BBS4: variants seen among roughly 807,000 people sequenced by gnomAD.
BBS4 encodes the protein Bardet-Biedl syndrome 4, also known as BBSome complex member BBS4.
BBS4 carries 58 observed loss-of-function variants against 71.4 expected under a neutral mutation model. The ratio of observed to expected loss-of-function variants is 0.81; its 90% CI spans 0.66 to 1.01. BBS4 has a LOEUF of 1.01. Among genes scored for constraint, BBS4 ranks in the 50% least tolerant of loss-of-function variants. The pLI, the probability that BBS4 is intolerant of heterozygous loss-of-function variation, is 0.00. For synonymous variants in BBS4, 228 were observed against 216.8 expected (o/e 1.05, Z -0.46); for missense variants, 660 against 607.9 (o/e 1.09, Z -0.90).
At chr15:72,687,182 G>T (rs1595898330) in intron 1 of BBS4, among the ~76,000 whole-genome samples, 2 of 145,754 alleles carry the variant, frequency 1.4e-5, no homozygotes, top group East Asian at 4.1e-4. Context: ...GCAATGGCGC[G>T]ATCTCGGCTC....
chr15:72,738,433 T>A lies in BBS4; in HGVS notation c.*846T>A, dbSNP rs895399306. The A allele has an allele frequency of 1.3e-5, 5 of 382,346 alleles. No individual in the cohort carries two copies. The highest frequency in any genetic ancestry group is 1.1e-4 in the African/African-American group (5 of 47,324). 23.7% of individuals were successfully genotyped at this position (382,346 alleles called of 1,614,324 possible). A position where few individuals can be genotyped will look rare whatever the true frequency, so the allele number is the denominator to read the frequency against. The stretch of plus-strand genomic sequence containing the variant: ...CCTTTGGGGAAAATTGTTATTCAGG[T>A]ATAAAAACAAGAGATCATAATAAAA... On this transcript the variant is annotated 3_prime_UTR_variant, in exon 16 of 16. Transcript: ENST00000268057.
At chr15:72,686,643 T>G (rs937346645) in intron 1 of BBS4, 1 of 1,096,546 alleles carries the variant, frequency 9.1e-7, no homozygotes, top group African/African-American at 1.6e-5. Flanking sequence ...GCTTGCAGCG[T>G]CACTGCCTTC....
chr15:72,695,507 G>A (rs191167844), intron 2 of BBS4, among the ~76,000 whole-genome samples: 1 of 152,224 alleles, frequency 6.6e-6, no homozygotes, highest in South Asian at 2.1e-4. Context: ...GGCTGGTCTC[G>A]AACTCCTGAC....
rs1166312927 is a variant in BBS4, at chr15:72,702,542, TTTTATATGAC to T, written c.77-7154_77-7145del. Among the ~76,000 whole-genome samples the T allele has an allele frequency of 6.7e-5, 10 of 148,512 alleles. No homozygotes were observed. In the South Asian group the frequency reaches 1.5e-3, roughly 23 times the overall value. On this transcript the variant is annotated intron_variant, in intron 2 of 15. Coordinates refer to ENST00000268057, the MANE Select transcript of BBS4 (RefSeq NM_033028.5). ...AAAGTAAAACCATAATTAGCTAATC[TTTTATATGAC>T]TTTTTTCTTCCTCATTTCAAGCTAA...
chr15:72,714,608 A>C (rs2065436265), intron 4 of BBS4, among the ~76,000 whole-genome samples: 1 of 152,148 alleles, frequency 6.6e-6, no homozygotes, highest in Non-Finnish European at 1.5e-5. Flanking sequence ...CTTGGGTGTA[A>C]ATAAATGGTT....
At chr15:72,697,200 T>C (rs1486933803) in intron 2 of BBS4, among the ~76,000 whole-genome samples, 1 of 152,230 alleles carries the variant, frequency 6.6e-6, no homozygotes, top group East Asian at 1.9e-4. Flanking sequence ...CCCAAAGTAC[T>C]GGGATTACAG....
At chr15:72,734,314 G>A (rs1435296927) in intron 12 of BBS4, among the ~76,000 whole-genome samples, 2 of 152,212 alleles carry the variant, frequency 1.3e-5, no homozygotes, top group East Asian at 1.9e-4. Context: ...AGTAGAGATG[G>A]CATTCAAACT....
At chr15:72,732,985 G>A (rs796343985) in intron 12 of BBS4, among the ~76,000 whole-genome samples, 6 of 152,292 alleles carry the variant, frequency 3.9e-5, no homozygotes, top group African/African-American at 1.4e-4. Context: ...CTAGGACTAG[G>A]GAATATTGGC....
chr15:72,735,764 G>A, intron 13 of BBS4, 61 bp from the exon 14 acceptor site: 2 of 1,604,586 alleles, frequency 1.2e-6, no homozygotes, highest in Admixed American at 1.7e-5. Context: ...TAATGAGAAG[G>A]ATCTCTAAAT....
At chr15:72,736,523 G>C (rs558055326) in intron 14 of BBS4, among the ~76,000 whole-genome samples, 1 of 152,282 alleles carries the variant, frequency 6.6e-6, no homozygotes, top group Non-Finnish European at 1.5e-5. Context: ...GAAATGCACT[G>C]TTTGGCCCGG....
intron 1 of BBS4, among the ~76,000 whole-genome samples, chr15:72,692,262 G>T (rs1213437949): frequency 6.7e-6 from 1 of 150,228 alleles, no homozygotes; most frequent in Non-Finnish European, 1.5e-5. Context: ...ACCAGTCATG[G>T]TGGATATGAA....
chr15:72,737,331 T>C, intron 15 of BBS4, 147 bp from the exon 16 acceptor site: 1 of 694,946 alleles, frequency 1.4e-6, no homozygotes, highest in South Asian at 1.8e-5. Flanking sequence ...GCTTTATTTC[T>C]CAGTTATAGT....
Position 72,689,260 on chromosome 15 carries a change from G to A in BBS4, c.24+3009G>A, listed in dbSNP as rs78919856. Reference sequence around the variant, plus strand: ...AATGTATAGCTAAAAATCTAAGAAGGCTACAGTCAAGGCCTTGAGGCCAGA... The same window carrying A: ...AATGTATAGCTAAAAATCTAAGAAGACTACAGTCAAGGCCTTGAGGCCAGA... On this transcript the variant is annotated intron_variant, in intron 1 of 15. Transcript: ENST00000268057. Among the ~76,000 whole-genome samples the A allele has an allele frequency of 2.5e-3, 377 of 152,260 alleles. 1 individual carries two copies. Among genetic ancestry groups the A allele is most frequent in the African/African-American group, 8.7e-3 (363 of 41,554 alleles).
At chr15:72,711,443 CT>C (rs2065370717) in intron 3 of BBS4, among the ~76,000 whole-genome samples, 1 of 152,224 alleles carries the variant, frequency 6.6e-6, no homozygotes, top group Non-Finnish European at 1.5e-5. Context: ...GCCACCGCGC[CT>C]GGCCACCAGT....
rs77728461 is a variant in BBS4, at chr15:72,706,446, T to C, written c.77-3254T>C. Reference sequence around the variant, plus strand: ...TCACCACCCCCGGACCCTGGAACTATTTATGACGGTGCACTTTATGCACTT... The same window carrying C: ...TCACCACCCCCGGACCCTGGAACTACTTATGACGGTGCACTTTATGCACTT... On this transcript the variant is annotated intron_variant, in intron 2 of 15. Transcript: ENST00000268057. Among the ~76,000 whole-genome samples the C allele has an allele frequency of 3.0e-3, 464 of 152,274 alleles. 4 individuals carry two copies. Among genetic ancestry groups the C allele is most frequent in the Admixed American group, 6.9e-3 (106 of 15,294 alleles).
At chr15:72,705,117 A>G (rs1310573582) in intron 2 of BBS4, among the ~76,000 whole-genome samples, 3 of 152,180 alleles carry the variant, frequency 2.0e-5, no homozygotes, top group Admixed American at 1.3e-4. Context: ...TCTCCATAGA[A>G]AAATATCACT....
chr15:72,711,316 T>G (rs1390036407), intron 3 of BBS4, among the ~76,000 whole-genome samples: 1 of 151,534 alleles, frequency 6.6e-6, no homozygotes, highest in Admixed American at 6.6e-5. Flanking sequence ...CCTGGCTAAT[T>G]TTTTGTGTTT....
chr15:72,686,837 T>G, intron 1 of BBS4: 1 of 336,846 alleles, frequency 3.0e-6, no homozygotes, highest in South Asian at 2.4e-5. Flanking sequence ...TGGATCTAAT[T>G]TCGGTAAAGT....
intron 5 of BBS4, among the ~76,000 whole-genome samples, 155 bp from the exon 6 acceptor site, chr15:72,716,623 A>G (rs1275609279): frequency 6.6e-6 from 1 of 152,204 alleles, no homozygotes; most frequent in Non-Finnish European, 1.5e-5. Flanking sequence ...CTGTTAGTGT[A>G]TAGCAGCTTC....
Sources: allele counts gnomAD v4.1 joint callset (sites outside exome capture counted in the v4.1 genomes callset), GRCh38; gene constraint gnomAD v4.1.1; transcripts MANE v1.5; gene names NCBI Gene and HGNC (gene_info 2026-07-23, HGNC 2026-07-21).